IMMP2L: variants seen among roughly 807,000 people sequenced by gnomAD.
IMMP2L encodes inner mitochondrial membrane peptidase subunit 2, also known as mitochondrial inner membrane protease subunit 2.
A neutral mutation model predicts 19.3 loss-of-function variants in IMMP2L; 18 were observed. That is an observed-to-expected ratio of 0.93 (90% CI 0.64 to 1.38). The LOEUF (loss-of-function observed/expected upper bound fraction) is 1.38. Among genes scored for constraint, IMMP2L ranks in the 40% most tolerant of loss-of-function variants. The probability of loss-of-function intolerance (pLI) is 0.00; values close to 1 mark genes in which losing one functional copy is unlikely to be tolerated. For synonymous variants in IMMP2L, 76 were observed against 73.0 expected (o/e 1.04, Z -0.21); for missense variants, 233 against 218.2 (o/e 1.07, Z -0.43).
intron 3 of IMMP2L, among the ~76,000 whole-genome samples, chr7:111,045,613 C>G (rs1168938604): frequency 6.6e-6 from 1 of 152,180 alleles, no homozygotes; most frequent in Non-Finnish European, 1.5e-5. Context: ...GGCAGGAGAA[C>G]AGTCAGTGCC....
At chr7:110,944,486 CGT>C (rs760255065) in intron 4 of IMMP2L, among the ~76,000 whole-genome samples, 1 of 151,534 alleles carries the variant, frequency 6.6e-6, no homozygotes, top group African/African-American at 2.4e-5. Flanking sequence ...TGTGTGTGCG[CGT>C]GTGTGTGTAA....
intron 5 of IMMP2L, among the ~76,000 whole-genome samples, chr7:110,796,328 A>G (rs929347495): frequency 6.6e-6 from 1 of 152,014 alleles, no homozygotes; most frequent in Non-Finnish European, 1.5e-5. Flanking sequence ...GAGGTAAAGC[A>G]CTGTAGAGAG....
chr7:111,466,465 AAC>A (rs1282780316), intron 3 of IMMP2L, among the ~76,000 whole-genome samples: 1 of 152,192 alleles, frequency 6.6e-6, no homozygotes, highest in Non-Finnish European at 1.5e-5. Context: ...AGTAAAAATA[AAC>A]ACACACAAAA....
At chr7:111,423,686 A>T (rs1403475189) in intron 3 of IMMP2L, among the ~76,000 whole-genome samples, 1 of 151,762 alleles carries the variant, frequency 6.6e-6, no homozygotes, top group Non-Finnish European at 1.5e-5. Flanking sequence ...TATAGCACTA[A>T]ATGCCCACAA....
At chr7:110,858,966 C>A (rs1271362612) in intron 5 of IMMP2L, among the ~76,000 whole-genome samples, 1 of 152,082 alleles carries the variant, frequency 6.6e-6, no homozygotes, top group Non-Finnish European at 1.5e-5. Flanking sequence ...GTATTCAAAT[C>A]ACTTCTTTCT....
intron 5 of IMMP2L, among the ~76,000 whole-genome samples, chr7:110,829,792 C>T (rs1803803384): frequency 1.3e-5 from 2 of 152,088 alleles, no homozygotes; most frequent in South Asian, 4.1e-4. Flanking sequence ...GTATAATTAA[C>T]TTCATCTTTG....
At chr7:110,715,985 C>A (rs1031798828) in intron 5 of IMMP2L, among the ~76,000 whole-genome samples, 4 of 152,042 alleles carry the variant, frequency 2.6e-5, no homozygotes, top group Admixed American at 1.3e-4. Flanking sequence ...AGTCTTCTTG[C>A]TGAATTGAAC....
At chr7:110,746,091 G>A (rs552884393) in intron 5 of IMMP2L, among the ~76,000 whole-genome samples, 2 of 152,088 alleles carry the variant, frequency 1.3e-5, no homozygotes, top group African/African-American at 4.8e-5. Context: ...GAAAAAAAAA[G>A]CAGGGGTTGC....
intron 5 of IMMP2L, among the ~76,000 whole-genome samples, chr7:110,873,075 C>G (rs1004654086): frequency 6.6e-6 from 1 of 152,160 alleles, no homozygotes; most frequent in Non-Finnish European, 1.5e-5. Context: ...TAGGTGATTT[C>G]TTCCATTTTA....
At chr7:111,155,892 T>C (rs1428602631) in intron 3 of IMMP2L, among the ~76,000 whole-genome samples, 1 of 152,076 alleles carries the variant, frequency 6.6e-6, no homozygotes, top group Non-Finnish European at 1.5e-5. Flanking sequence ...TCTTTAAAAG[T>C]AACAAAAATT....
At chr7:111,139,133 G>A (rs1802631045) in intron 3 of IMMP2L, among the ~76,000 whole-genome samples, 1 of 151,950 alleles carries the variant, frequency 6.6e-6, no homozygotes, top group African/African-American at 2.4e-5. Context: ...AAAGGAATAA[G>A]CCTGGATTTT....
chr7:110,842,735 C>T (rs1176265565), intron 5 of IMMP2L, among the ~76,000 whole-genome samples: 1 of 152,102 alleles, frequency 6.6e-6, no homozygotes, highest in Non-Finnish European at 1.5e-5. Flanking sequence ...CCTAAATTAC[C>T]TTGTATACAA....
rs759610775 is a variant in IMMP2L, at chr7:110,771,261, C to T, written c.409-107540G>A. 1.2e-4 allele frequency among the ~76,000 whole-genome samples: 18 copies of T among 152,058 alleles called. 1 individual carries two copies. The highest frequency in any genetic ancestry group is 3.4e-4 in the African/African-American group (14 of 41,414). On this transcript the variant is annotated intron_variant, in intron 5 of 5. Transcript: ENST00000405709. ...TCTCACTGAGGAGGATCAAGTCACA[C>T]GTTAGTGTTGATGCTGTTAGTAAGG...
At chr7:110,781,012 C>T (rs907700042) in intron 5 of IMMP2L, among the ~76,000 whole-genome samples, 2 of 151,840 alleles carry the variant, frequency 1.3e-5, no homozygotes, top group Non-Finnish European at 2.9e-5. Flanking sequence ...GGGGAAGATG[C>T]TAGAAGTTAA....
At chr7:110,848,329 T>A (rs11505732) in intron 5 of IMMP2L, among the ~76,000 whole-genome samples, 8,127 of 152,160 alleles carry the variant, frequency 0.053, 701 homozygotes, top group African/African-American at 0.18. Context: ...ATATAGCATT[T>A]GGGAATTTCA....
rs1315710338 is a variant in IMMP2L, at chr7:111,352,229, C to T, written c.239+135009G>A. Reference sequence around the variant, plus strand: ...ATGGGAGAAGTATTTTTTAAGAAAACCTTATAAACATAGTACAAAGATGAC... The same window carrying T: ...ATGGGAGAAGTATTTTTTAAGAAAATCTTATAAACATAGTACAAAGATGAC... On this transcript the variant is annotated intron_variant, in intron 3 of 5. Transcript: ENST00000405709. 2.0e-5 allele frequency among the ~76,000 whole-genome samples: 3 copies of T among 151,904 alleles called. No individual in the cohort carries two copies. The East Asian group carries it at 5.8e-4, about 29-fold the overall frequency.
chr7:110,730,542 T>A (rs1348714648), intron 5 of IMMP2L, among the ~76,000 whole-genome samples: 1 of 151,710 alleles, frequency 6.6e-6, no homozygotes, highest in Non-Finnish European at 1.5e-5. Context: ...CTTTTTTTTT[T>A]TTTTGAGACG....
intron 5 of IMMP2L, among the ~76,000 whole-genome samples, chr7:110,765,002 T>A (rs1798570745): frequency 6.6e-6 from 1 of 152,220 alleles, no homozygotes; most frequent in East Asian, 1.9e-4. Flanking sequence ...TGAACTTGAA[T>A]CCCAAACCTC....
At position 111,551,690 on chromosome 7, in the gene IMMP2L, C is replaced by T. The variant is rs1585656883; in HGVS notation, c.-3+10161G>A. 2.0e-5 allele frequency among the ~76,000 whole-genome samples: 3 copies of T among 151,972 alleles called. No individual in the cohort carries two copies. The South Asian group carries it at 6.2e-4, about 32-fold the overall frequency. Reference sequence around the variant, plus strand: ...ATGGTTCTGGCAGGATCCACCACCACCATCACTACCACCTCAGCAAAATAC... The same window carrying T: ...ATGGTTCTGGCAGGATCCACCACCATCATCACTACCACCTCAGCAAAATAC... On this transcript the variant is annotated intron_variant, in intron 1 of 5. Transcript: ENST00000405709.
Sources: gnomAD v4.1 joint callset for allele counts (sites outside exome capture counted in the v4.1 genomes callset) on GRCh38, gnomAD v4.1.1 for gene constraint, MANE v1.5 for transcripts, NCBI Gene and HGNC (gene_info 2026-07-23, HGNC 2026-07-21) for gene names.